Variants in GDF6 observed in about 807,000 individuals in gnomAD.
GDF6 encodes the protein growth differentiation factor 6.
GDF6 carries 3 observed loss-of-function variants against 32.4 expected under a neutral mutation model. The observed-to-expected ratio is 0.09, with a 90% CI of 0.04 to 0.24. The LOEUF is 0.24. GDF6 is among the 10% of genes least tolerant of loss of function. GDF6 has a pLI of 1.00. For missense variants in GDF6, 589 were observed against 637.9 expected (o/e 0.92, Z 0.83); for synonymous variants, 296 against 295.3 (o/e 1.00, Z -0.03).
Position 96,158,203 on chromosome 8 carries a change from C to T in GDF6, c.406+2084G>A, listed in dbSNP as rs1812701406. On this transcript the variant is annotated intron_variant, in intron 1 of 1. Coordinates refer to ENST00000287020, the MANE Select transcript of GDF6 (RefSeq NM_001001557.4). ...GGGTTGTAGCGGTACTTGTGGATCT[C>T]GGTCCTGCTAGTCTGGAGGCCTTGG... 2.6e-5 allele frequency among the ~76,000 whole-genome samples: 4 copies of T among 152,292 alleles called. No homozygotes were observed. In the South Asian group the frequency reaches 6.2e-4, roughly 24 times the overall value.
chr8:96,160,316 G>C lies in GDF6; in HGVS notation c.377C>G (p.Thr126Arg). 3.1e-6 allele frequency: 5 copies of C among 1,614,242 alleles called. No individual in the cohort carries two copies. Among genetic ancestry groups the C allele is most frequent in the Non-Finnish European group, 4.2e-6 (5 of 1,180,046 alleles). ...SFFQSSKSAN[T>R]ITSFVDRGLD... is the part of the protein sequence containing the mutation. ...TCCCCTGTCTACAAAGCTGGTGATCGTATTAGCCGACTTGGAAGACTGGAA... is the reference window on the plus strand; with the variant it reads ...TCCCCTGTCTACAAAGCTGGTGATCCTATTAGCCGACTTGGAAGACTGGAA... The change falls in exon 1 of 2, where the codon ACG becomes AGG. Residue 126 changes from threonine to arginine, a missense_variant. Physicochemically the swap from Thr to Arg is moderately conservative, Grantham distance 71. Coordinates refer to ENST00000287020, the MANE Select transcript of GDF6 (RefSeq NM_001001557.4).
Position 96,160,416 on chromosome 8 carries a change from C to T in GDF6, c.277G>A (p.Val93Met). ...ATTGACAGCATGTACTCGTGGGGCACCACGCGCGGACCCCTGCCTGGCGGC... is the reference window on the plus strand; with the variant it reads ...ATTGACAGCATGTACTCGTGGGGCATCACGCGCGGACCCCTGCCTGGCGGC... ...QEPPGRGPRV[V>M]PHEYMLSIYR... is the part of the protein sequence containing the mutation. The change falls in exon 1 of 2, where the codon GTG (valine) becomes ATG (methionine). Residue 93 changes from valine (V) to methionine (M), a missense_variant. Coordinates refer to ENST00000287020, the MANE Select transcript of GDF6 (RefSeq NM_001001557.4). The T allele has an allele frequency of 1.9e-6, 3 of 1,614,156 alleles. No homozygotes were observed. Among genetic ancestry groups the T allele is most frequent in the South Asian group, 2.2e-5 (2 of 91,084 alleles).
Position 96,142,987 on chromosome 8 carries a change from C to T in GDF6, c.*1576G>A, listed in dbSNP as rs1249597434. On this transcript the variant is annotated 3_prime_UTR_variant, in exon 2 of 2. Transcript: ENST00000287020. Reference sequence around the variant, plus strand: ...TAGTCAAAGATGAGGAGGAAGCTAACTCTTCAAAGGGCCTACTCATGGGCA... The same window carrying T: ...TAGTCAAAGATGAGGAGGAAGCTAATTCTTCAAAGGGCCTACTCATGGGCA... 6.6e-6 allele frequency: 1 copy of T among 152,322 alleles called. No individual in the cohort carries two copies. Among genetic ancestry groups the T allele is most frequent in the African/African-American group, 2.4e-5 (1 of 41,584 alleles). 9.4% of individuals were successfully genotyped at this position (152,322 alleles called of 1,614,324 possible).
In GDF6 at chr8:96,144,283, AG is replaced by A. The variant is rs1563507955; in HGVS notation, c.*279del. On this transcript the variant is annotated 3_prime_UTR_variant, in exon 2 of 2. Coordinates refer to ENST00000287020, the MANE Select transcript of GDF6 (RefSeq NM_001001557.4). This position sits in a 1 kb window ranked among gnomAD's most constrained non-coding sequence, Gnocchi z 5.1. Reference sequence around the variant, plus strand: ...GAGAGAGAGAGAGAGAGAGAGAGAGAGAGAGAGAAAACAGAACAAAAGAAAT... The same window carrying A: ...GAGAGAGAGAGAGAGAGAGAGAGAGAAGAGAGAAAACAGAACAAAAGAAAT... 20 of 492,294 alleles carry A rather than the reference AG, an allele frequency of 4.1e-5. No homozygotes were observed. Among genetic ancestry groups the A allele is most frequent in the South Asian group, 1.0e-4 (5 of 48,038 alleles). The allele number at this position is 492,294 out of a possible 1,614,324, so 30.5% of individuals were successfully genotyped here. A position where few individuals can be genotyped will look rare whatever the true frequency, so the allele number is the denominator to read the frequency against.
chr8:96,157,711 C>T (rs1812693053), intron 1 of GDF6, among the ~76,000 whole-genome samples: 1 of 152,162 alleles, frequency 6.6e-6, no homozygotes, highest in Admixed American at 6.5e-5. Context: ...TTGCCAGGAG[C>T]CGGGGATGCG....
rs1812434233 is a variant in GDF6, at chr8:96,144,511, GGCGGACCTTGGCCCACCTTGGTT to G, written c.*29_*51del. On this transcript the variant is annotated 3_prime_UTR_variant, in exon 2 of 2. Transcript: ENST00000287020. The surrounding 1 kb of genome is among the most constrained non-coding windows in gnomAD (Gnocchi z 5.1). ...CTCTGCAGCCAGGCCTCCCCTGCAA[GGCGGACCTTGGCCCACCTTGGTT>G]CCGGGCCAAGGCGGCGGGAAAGGCA... 6.3e-7 allele frequency: 1 copy of G among 1,599,672 alleles called. No homozygotes were observed. The highest frequency in any genetic ancestry group is 8.5e-7 in the Non-Finnish European group (1 of 1,173,712).
At chr8:96,155,121 G>GT (rs1393210307) in intron 1 of GDF6, among the ~76,000 whole-genome samples, 4 of 152,282 alleles carry the variant, frequency 2.6e-5, no homozygotes, top group Admixed American at 6.5e-5. Context: ...GTTTGAGCAC[G>GT]TTTTTAGATC....
rs1812430525 is a variant in GDF6, at chr8:96,144,390, C to G, written c.*173G>C. 1.3e-5 allele frequency: 9 copies of G among 708,988 alleles called. No homozygotes were observed. The highest frequency in any genetic ancestry group is 2.1e-5 in the Non-Finnish European group (9 of 436,210). The allele number at this position is 708,988 out of a possible 1,614,324, so 43.9% of individuals were successfully genotyped here. A position where few individuals can be genotyped will look rare whatever the true frequency, so the allele number is the denominator to read the frequency against. Reference sequence around the variant, plus strand: ...CCTCTGGGCTGGCAGGTAGAAGTTACTGGGAAGGCTGCGCTCCCTTCTCTC... The same window carrying G: ...CCTCTGGGCTGGCAGGTAGAAGTTAGTGGGAAGGCTGCGCTCCCTTCTCTC... On this transcript the variant is annotated 3_prime_UTR_variant, in exon 2 of 2. Transcript: ENST00000287020. This position sits in a 1 kb window ranked among gnomAD's most constrained non-coding sequence, Gnocchi z 5.1.
In GDF6 at chr8:96,160,502, C is replaced by A. The variant is rs1171826980; in HGVS notation, c.191G>T (p.Gly64Val). ...CTGAGGCCGCGGCTGTGGTTCCTGGCCCTCCCGGCCCGCGTCACTGTCGCG... is the reference window on the plus strand; with the variant it reads ...CTGAGGCCGCGGCTGTGGTTCCTGGACCTCCCGGCCCGCGTCACTGTCGCG... Reference protein sequence around the residue: ...APRDSDAGREGQEPQPRPQDE... With the variant: ...APRDSDAGREVQEPQPRPQDE... The change falls in exon 1 of 2, where the codon GGC becomes GTC. Residue 64 changes from glycine (G) to valine (V), a missense_variant. Coordinates refer to ENST00000287020, the MANE Select transcript of GDF6 (RefSeq NM_001001557.4). 2 of 1,612,942 alleles carry A rather than the reference C, an allele frequency of 1.2e-6. No homozygotes were observed. Among genetic ancestry groups the A allele is most frequent in the South Asian group, 1.1e-5 (1 of 91,026 alleles).
intron 1 of GDF6, among the ~76,000 whole-genome samples, chr8:96,146,339 CTTT>C (rs33978005): frequency 1.9e-4 from 28 of 146,474 alleles, no homozygotes; most frequent in South Asian, 2.2e-4. Context: ...TTATTGTTTG[CTTT>C]TTTTTTTTTT....
intron 1 of GDF6, among the ~76,000 whole-genome samples, chr8:96,148,675 G>A (rs1297330264): frequency 6.6e-6 from 1 of 152,162 alleles, no homozygotes; most frequent in East Asian, 1.9e-4. Context: ...GAGTAGGGGG[G>A]AGCACCAAAC....
rs1421003834 is a variant in GDF6 at position 96,144,614 on chromosome 8, C to T, written c.1317G>A (p.Val439=). ...SILYIDAGNN[V]VYKQYEDMVV... is the part of the protein sequence containing the mutation. ...CCATGTCCTCGTACTGCTTGTAGACCACATTATTGCCCGCGTCGATGTATA... is the reference window on the plus strand; with the variant it reads ...CCATGTCCTCGTACTGCTTGTAGACTACATTATTGCCCGCGTCGATGTATA... The change falls in exon 2 of 2, where the codon GTG becomes GTA. Residue 439 remains valine, a synonymous_variant. Transcript: ENST00000287020. The surrounding 1 kb of genome is among the most constrained non-coding windows in gnomAD (Gnocchi z 5.1). 2 of 1,614,048 alleles carry T rather than the reference C, an allele frequency of 1.2e-6. No individual in the cohort carries two copies. Among genetic ancestry groups the T allele is most frequent in the Admixed American group, 1.7e-5 (1 of 60,018 alleles).
At chr8:96,148,304 C>G (rs1306265087) in intron 1 of GDF6, among the ~76,000 whole-genome samples, 1 of 152,216 alleles carries the variant, frequency 6.6e-6, no homozygotes, top group South Asian at 2.1e-4. Flanking sequence ...CAGGTGCACA[C>G]ATCAGTGGTT....
chr8:96,145,483 A>G lies in GDF6; in HGVS notation c.448T>C (p.Phe150Leu). 1 of 1,597,956 alleles carries G rather than the reference A, an allele frequency of 6.3e-7. No individual in the cohort carries two copies. The highest frequency in any genetic ancestry group is 8.5e-7 in the Non-Finnish European group (1 of 1,179,642). Residue 150 changes from phenylalanine to leucine, a missense_variant, in exon 2 of 2, where the codon TTT (phenylalanine) becomes CTT (leucine). Transcript: ENST00000287020. The surrounding 1 kb of genome is among the most constrained non-coding windows in gnomAD (Gnocchi z 5.6). ...HTPLRRQKYL[F>L]DVSMLSDKEE... Reference sequence around the variant, plus strand: ...TTGTCTGAGAGCATGGACACATCAAACAAATACTTCTGTCTCCGGAGAGGA... The same window carrying G: ...TTGTCTGAGAGCATGGACACATCAAGCAAATACTTCTGTCTCCGGAGAGGA...
In GDF6 at chr8:96,150,667, C is replaced by A. The variant is rs528877308; in HGVS notation, c.407-5143G>T. Among the ~76,000 whole-genome samples, 16 of 152,378 alleles carry A rather than the reference C, an allele frequency of 1.1e-4. No homozygotes were observed. In the South Asian group the frequency reaches 3.3e-3, roughly 32 times the overall value. On this transcript the variant is annotated intron_variant, in intron 1 of 1. Coordinates refer to ENST00000287020, the MANE Select transcript of GDF6 (RefSeq NM_001001557.4). ...ATGTTGAAGGTCCTAATTCCAAGTG[C>A]CCTGACCCCAGTCCTGCAGCGCAAG...
chr8:96,157,596 C>A (rs952861465), intron 1 of GDF6, among the ~76,000 whole-genome samples: 1 of 152,134 alleles, frequency 6.6e-6, no homozygotes, highest in East Asian at 1.9e-4. Context: ...CAGCTCTAGG[C>A]GGGCCGCTGC....
intron 1 of GDF6, among the ~76,000 whole-genome samples, chr8:96,158,868 C>T (rs1265603064): frequency 6.6e-6 from 1 of 152,242 alleles, no homozygotes; most frequent in East Asian, 1.9e-4. Context: ...GTTAATTTGC[C>T]CTCTGGACCT....
In GDF6 at chr8:96,160,525, G is replaced by C. The variant is rs371969433; in HGVS notation, c.168C>G (p.Arg56=). The change falls in exon 1 of 2, where the codon CGC becomes CGG. Residue 56 remains arginine (R), a synonymous_variant. Transcript: ENST00000287020. ...GGCCCTCCCGGCCCGCGTCACTGTCGCGCGGCGCCCGCTGCATCTTGCCTT... is the reference window on the plus strand; with the variant it reads ...GGCCCTCCCGGCCCGCGTCACTGTCCCGCGGCGCCCGCTGCATCTTGCCTT... ...RKEGKMQRAP[R]DSDAGREGQE... The C allele has an allele frequency of 1.9e-6, 3 of 1,613,206 alleles. No individual in the cohort carries two copies. Among genetic ancestry groups the C allele is most frequent in the Non-Finnish European group, 2.5e-6 (3 of 1,179,668 alleles).
Position 96,145,136 on chromosome 8 carries a change from G to T in GDF6, c.795C>A (p.Phe265Leu). The change falls in exon 2 of 2, where the codon TTC (phenylalanine) becomes TTA (leucine). Residue 265 changes from phenylalanine (F) to leucine (L), a missense_variant. Transcript: ENST00000287020. The surrounding 1 kb of genome is among the most constrained non-coding windows in gnomAD (Gnocchi z 5.6). ...CCTGGGGAGGCCGCACCCTCCGGCCGAAGCCCAGACTCCGCAGGTCCGGGG... is the reference window on the plus strand; with the variant it reads ...CCTGGGGAGGCCGCACCCTCCGGCCTAAGCCCAGACTCCGCAGGTCCGGGG... ...PPPPDLRSLG[F>L]GRRVRPPQER... 3 of 1,512,520 alleles carry T rather than the reference G, an allele frequency of 2.0e-6. No individual in the cohort carries two copies. The highest frequency in any genetic ancestry group is 2.6e-6 in the Non-Finnish European group (3 of 1,138,788). 93.7% of individuals were successfully genotyped at this position (1,512,520 alleles called of 1,614,324 possible).
Sources: gnomAD v4.1 joint callset for allele counts (sites outside exome capture counted in the v4.1 genomes callset) on GRCh38, gnomAD v4.1.1 for gene constraint, Gnocchi (gnomAD v3.1) non-coding constraint, MANE v1.5 for transcripts, NCBI Gene and HGNC (gene_info 2026-07-23, HGNC 2026-07-21) for gene names.